SPMIP4: variants seen among roughly 807,000 people sequenced by gnomAD.
SPMIP4 encodes the protein sperm-associated microtubule inner protein 4.
chr7:25,163,591 T>G, the SPMIP4 span, among the ~76,000 whole-genome samples: 1 of 152,182 alleles, frequency 6.6e-6, no homozygotes, highest in Non-Finnish European at 1.5e-5. The surrounding 1 kb of genome is among the most constrained non-coding windows in gnomAD (Gnocchi z 4.4). Flanking sequence ...GCACAGAAAT[T>G]ATCACATATG....
the SPMIP4 span, chr7:25,142,219 A>C: frequency 6.4e-7 from 1 of 1,569,986 alleles, no homozygotes; most frequent in Non-Finnish European, 8.8e-7. Context: ...AAAATAACTG[A>C]GAGTTGACTG....
At chr7:25,141,777 G>T in the SPMIP4 span, among the ~76,000 whole-genome samples, 1 of 151,508 alleles carries the variant, frequency 6.6e-6, no homozygotes, top group South Asian at 2.1e-4. Flanking sequence ...TCGCTCTGTC[G>T]TCTAGGCTGG....
the SPMIP4 span, among the ~76,000 whole-genome samples, chr7:25,145,170 G>A: frequency 1.3e-5 from 2 of 152,032 alleles, no homozygotes; most frequent in African/African-American, 4.8e-5. Flanking sequence ...ACCATGGTTG[G>A]CCAGGCTGGT....
the SPMIP4 span, among the ~76,000 whole-genome samples, chr7:25,130,342 C>T: frequency 5.4e-5 from 7 of 128,936 alleles, no homozygotes; most frequent in African/African-American, 1.6e-4. Context: ...GACGGAGTTT[C>T]GCTCTTGTTG....
At chr7:25,148,440 T>C in the SPMIP4 span, among the ~76,000 whole-genome samples, 61 of 150,722 alleles carry the variant, frequency 4.0e-4, no homozygotes, top group Middle Eastern at 3.5e-3. Context: ...AAATAATTAA[T>C]AGATCTGAGA....
At chr7:25,155,043 T>C in the SPMIP4 span, 3 of 1,614,042 alleles carry the variant, frequency 1.9e-6, no homozygotes, top group South Asian at 1.1e-5. Flanking sequence ...ATCATAAGCC[T>C]TGGTTGGCAC....
At chr7:25,169,347 T>C in the SPMIP4 span, among the ~76,000 whole-genome samples, 1 of 152,286 alleles carries the variant, frequency 6.6e-6, no homozygotes, top group South Asian at 2.1e-4. Context: ...ATCTCAAGAA[T>C]ACCCTGTATT....
chr7:25,147,354 G>A, the SPMIP4 span, among the ~76,000 whole-genome samples: 1 of 152,168 alleles, frequency 6.6e-6, no homozygotes, highest in African/African-American at 2.4e-5. Flanking sequence ...ATGTTGATTG[G>A]TTTGGTAACA....
the SPMIP4 span, among the ~76,000 whole-genome samples, chr7:25,169,456 C>T: frequency 1.3e-5 from 2 of 152,104 alleles, no homozygotes; most frequent in African/African-American, 2.4e-5. Context: ...TGGACATTTC[C>T]TGTAAGTAGA....
At chr7:25,149,221 T>C in the SPMIP4 span, among the ~76,000 whole-genome samples, 1 of 152,078 alleles carries the variant, frequency 6.6e-6, no homozygotes, top group Non-Finnish European at 1.5e-5. Context: ...GGCAACATAA[T>C]GAGACTTCAT....
chr7:25,142,735 T>A, the SPMIP4 span: 2 of 1,607,632 alleles, frequency 1.2e-6, no homozygotes, highest in Non-Finnish European at 1.7e-6. Context: ...GTCCCATGAA[T>A]TTAAAGAAGT....
At chr7:25,180,222 G>A in the SPMIP4 span, 2 of 153,122 alleles carry the variant, frequency 1.3e-5, no homozygotes, top group East Asian at 1.9e-4. Flanking sequence ...TCCGGGCGGC[G>A]AGCGGGGCGC....
the SPMIP4 span, among the ~76,000 whole-genome samples, chr7:25,173,403 A>C: frequency 1.3e-5 from 2 of 152,216 alleles, no homozygotes; most frequent in Non-Finnish European, 2.9e-5. The surrounding 1 kb of genome is among the most constrained non-coding windows in gnomAD (Gnocchi z 4.4). Context: ...CCATTCATTT[A>C]TGGACTATAT....
At chr7:25,161,620 A>ATT in the SPMIP4 span, among the ~76,000 whole-genome samples, 1,893 of 131,204 alleles carry the variant, frequency 0.014, 33 homozygotes, top group African/African-American at 0.03. Flanking sequence ...TTATTTATAG[A>ATT]TTTTTTTTTT....
the SPMIP4 span, among the ~76,000 whole-genome samples, chr7:25,130,795 T>C: frequency 2.0e-5 from 3 of 152,236 alleles, no homozygotes; most frequent in Non-Finnish European, 2.9e-5. Context: ...ATTCCTCCCG[T>C]AGTTAGCTTG....
the SPMIP4 span, among the ~76,000 whole-genome samples, chr7:25,169,418 A>C: frequency 6.6e-6 from 1 of 152,116 alleles, no homozygotes; most frequent in Middle Eastern, 3.2e-3. Flanking sequence ...CTATTATACT[A>C]ATCTACTTTC....
At chr7:25,137,301 C>CTTT in the SPMIP4 span, among the ~76,000 whole-genome samples, 1 of 127,096 alleles carries the variant, frequency 7.9e-6, no homozygotes. Context: ...GCTGAATTTT[C>CTTT]TTTTTTTTTT....
At chr7:25,141,574 GAAAAAAAAA>G in the SPMIP4 span, among the ~76,000 whole-genome samples, 1 of 94,936 alleles carries the variant, frequency 1.1e-5, no homozygotes, top group African/African-American at 4.2e-5. Context: ...CTGTCTCAAG[GAAAAAAAAA>G]AAAAAAAAAA....
At chr7:25,134,618 A>G in the SPMIP4 span, 28 of 940,398 alleles carry the variant, frequency 3.0e-5, no homozygotes, top group East Asian at 2.1e-3. Context: ...ACTAATTTCC[A>G]TGCAACCCAG....
Sources: allele counts gnomAD v4.1 joint callset (sites outside exome capture counted in the v4.1 genomes callset), GRCh38; gene constraint gnomAD v4.1.1; non-coding constraint Gnocchi (gnomAD v3.1); transcripts MANE v1.5; gene names NCBI Gene and HGNC (gene_info 2026-07-23, HGNC 2026-07-21).